Variants in FREM3 observed in about 807,000 individuals in gnomAD.
The protein encoded by FREM3 is FRAS1 related extracellular matrix 3.
In FREM3, 105 loss-of-function variants were observed where a neutral mutation model predicts 129.1. The ratio of observed to expected loss-of-function variants is 0.81; its 90% CI spans 0.69 to 0.96. The LOEUF is 0.96. FREM3 is among the 40% of genes least tolerant of loss of function. The pLI, the probability that FREM3 is intolerant of heterozygous loss-of-function variation, is 0.00. For missense variants in FREM3, 2,593 were observed against 2,666.3 expected (o/e 0.97, Z 0.61); for synonymous variants, 1,014 against 1,044.9 (o/e 0.97, Z 0.57).
At chr4:143,631,432 C>T (rs551052699) in intron 2 of FREM3, among the ~76,000 whole-genome samples, 1 of 152,278 alleles carries the variant, frequency 6.6e-6, no homozygotes, top group East Asian at 1.9e-4. Flanking sequence ...TAACCTCCAC[C>T]TCCCAGGTTC....
chr4:143,586,003 C>T lies in FREM3; in HGVS notation c.6029-10G>A. 1 of 1,532,372 alleles carries T rather than the reference C, an allele frequency of 6.5e-7. No individual in the cohort carries two copies. The highest frequency in any genetic ancestry group is 8.7e-7 in the Non-Finnish European group (1 of 1,145,510). 94.9% of individuals were successfully genotyped at this position (1,532,372 alleles called of 1,614,324 possible). A position where few individuals can be genotyped will look rare whatever the true frequency, so the allele number is the denominator to read the frequency against. ...AAGTGCAGGACAGGTTCTAAAGAGG[C>T]AAAAAAAGATACACTAAGAATGCTT... is the stretch of plus-strand genomic sequence containing the variant. On this transcript the variant is annotated splice_polypyrimidine_tract_variant and intron_variant, in intron 6 of 7. Coordinates refer to ENST00000329798, the MANE Select transcript of FREM3 (RefSeq NM_001168235.2).
intron 2 of FREM3, among the ~76,000 whole-genome samples, chr4:143,680,944 T>C (rs959524642): frequency 7.2e-5 from 11 of 152,046 alleles, no homozygotes; most frequent in African/African-American, 1.9e-4. Flanking sequence ...AAACAGAAAA[T>C]AGGAATTCAT....
chr4:143,603,706 A>G (rs2149837931), intron 6 of FREM3, among the ~76,000 whole-genome samples: 1 of 152,292 alleles, frequency 6.6e-6, no homozygotes, highest in East Asian at 1.9e-4. Flanking sequence ...CCAGAGAGGC[A>G]TTTAAAATGT....
At chr4:143,643,053 A>C (rs1349331602) in intron 2 of FREM3, among the ~76,000 whole-genome samples, 2 of 152,204 alleles carry the variant, frequency 1.3e-5, no homozygotes, top group Admixed American at 1.3e-4. Flanking sequence ...AATGCAAATC[A>C]AAATCACAAT....
In FREM3 at chr4:143,696,247, C is replaced by G; in HGVS notation, c.4429G>C (p.Asp1477His). The G allele has an allele frequency of 6.5e-7, 1 of 1,537,810 alleles. No homozygotes were observed. The highest frequency in any genetic ancestry group is 8.7e-7 in the Non-Finnish European group (1 of 1,147,046). ...GAGGCAATGGGTTCCCCAGCATAGT[C>G]AGAACTTTCTAAGTGACCCAGGCTT... ...APSLGHLESS[D>H]YAGEPIASFT... Residue 1477 changes from aspartate (D) to histidine (H), a missense_variant, in exon 1 of 8, where the codon GAC becomes CAC. This residue lies in a region of FREM3 where 2,276 missense variants were observed against 2,267.2 expected (regional missense o/e 1.00). Coordinates refer to ENST00000329798, the MANE Select transcript of FREM3 (RefSeq NM_001168235.2).
At position 143,699,500 on chromosome 4, in the gene FREM3, AG is replaced by A. The variant is rs1293959331; in HGVS notation, c.1175del (p.Pro392LeufsTer32). On this transcript the variant is annotated frameshift_variant, in exon 1 of 8. Transcript: ENST00000329798. LOFTEE classifies it high-confidence loss of function. The surrounding 1 kb of genome is among the most constrained non-coding windows in gnomAD (Gnocchi z 4.2). ...GGCGCTCCCCATGGGAGTTCTCTGCAGGGGGCTGATAGGCAATCTTCAGCTC... is the reference window on the plus strand; with the variant it reads ...GGCGCTCCCCATGGGAGTTCTCTGCAGGGGCTGATAGGCAATCTTCAGCTC... ...LRELKIAYQP[P>X]AENSHGERLF... The A allele has an allele frequency of 1.3e-6, 2 of 1,537,158 alleles. No individual in the cohort carries two copies. Among genetic ancestry groups the A allele is most frequent in the African/African-American group, 2.7e-5 (2 of 73,034 alleles).
rs555056281 is a variant in FREM3, at chr4:143,692,113, A to G, written c.5275+1000T>C. ...TAAATTAATTTTTTTTAAAAAGAAC[A>G]AGAATCAGGTGAAAGCACCTACTTT... On this transcript the variant is annotated intron_variant, in intron 2 of 7. Coordinates refer to ENST00000329798, the MANE Select transcript of FREM3 (RefSeq NM_001168235.2). Among the ~76,000 whole-genome samples, 110 of 152,286 alleles carry G rather than the reference A, an allele frequency of 7.2e-4. No homozygotes were observed. In the Middle Eastern group the frequency reaches 0.017, roughly 24 times the overall value.
At position 143,697,742 on chromosome 4, in the gene FREM3, A is replaced by G; in HGVS notation, c.2934T>C (p.Asp978=). 6.5e-7 allele frequency: 1 copy of G among 1,537,614 alleles called. No individual in the cohort carries two copies. The highest frequency in any genetic ancestry group is 8.7e-7 in the Non-Finnish European group (1 of 1,146,978). The part of the protein sequence containing the change: ...TMGVIHGKRK[D]VGDLMLSFIV... ...TGAAAGACAGCATCAAGTCACCTAC[A>G]TCCTTCCTTTTGCCATGGATGACAC... The change falls in exon 1 of 8, where the codon GAT becomes GAC. Residue 978 remains aspartate (D), a synonymous_variant. Transcript: ENST00000329798.
At chr4:143,642,644 A>G (rs1286327023) in intron 2 of FREM3, among the ~76,000 whole-genome samples, 1 of 152,236 alleles carries the variant, frequency 6.6e-6, no homozygotes, top group Non-Finnish European at 1.5e-5. Flanking sequence ...CTCAAAATGG[A>G]TTAAAGAATT....
chr4:143,596,164 G>A (rs1578827705), intron 6 of FREM3, among the ~76,000 whole-genome samples: 1 of 152,188 alleles, frequency 6.6e-6, no homozygotes, highest in African/African-American at 2.4e-5. Context: ...ATTTTAGGTA[G>A]ATGGGACTTG....
At chr4:143,586,616 G>A (rs969604992) in intron 6 of FREM3, among the ~76,000 whole-genome samples, 3 of 152,154 alleles carry the variant, frequency 2.0e-5, no homozygotes, top group Non-Finnish European at 4.4e-5. Context: ...ACAGACACCA[G>A]GCTTCAGCGG....
intron 7 of FREM3, among the ~76,000 whole-genome samples, chr4:143,583,050 T>G (rs1234130226): frequency 1.3e-5 from 2 of 151,870 alleles, no homozygotes; most frequent in Non-Finnish European, 2.9e-5. Context: ...CGGGCTAATT[T>G]TTTTGTATTT....
In FREM3 at chr4:143,663,807, C is replaced by G. The variant is rs191522181; in HGVS notation, c.5275+29306G>C. 5.7e-3 allele frequency among the ~76,000 whole-genome samples: 867 copies of G among 152,138 alleles called. 9 individuals are homozygous for G. Among genetic ancestry groups the G allele is most frequent in the Non-Finnish European group, 6.1e-3 (414 of 67,978 alleles). Reference sequence around the variant, plus strand: ...TTCTTTTCATTCTTTTTTCTCTAAACTTCCCTTCTCGCTTCATTTCATTCA... The same window carrying G: ...TTCTTTTCATTCTTTTTTCTCTAAAGTTCCCTTCTCGCTTCATTTCATTCA... On this transcript the variant is annotated intron_variant, in intron 2 of 7. Coordinates refer to ENST00000329798, the MANE Select transcript of FREM3 (RefSeq NM_001168235.2).
Position 143,699,993 on chromosome 4 carries a change from TCCA to T in FREM3, c.680_682del (p.Val227del), listed in dbSNP as rs1740664179. ...CCTGGGGAGAGGGGCCCCCACCGCG[TCCA>T]CCAAGCGCCCGTACTTGGGCAGGGG... is the stretch of plus-strand genomic sequence containing the variant. On this transcript the variant is annotated inframe_deletion, in exon 1 of 8. Coordinates refer to ENST00000329798, the MANE Select transcript of FREM3 (RefSeq NM_001168235.2). The surrounding 1 kb of genome is among the most constrained non-coding windows in gnomAD (Gnocchi z 4.2). 6.7e-7 allele frequency: 1 copy of T among 1,500,734 alleles called. No individual in the cohort carries two copies. The highest frequency in any genetic ancestry group is 1.4e-5 in the African/African-American group (1 of 72,086). The allele number at this position is 1,500,734 out of a possible 1,614,324, so 93.0% of individuals were successfully genotyped here. A position where few individuals can be genotyped will look rare whatever the true frequency, so the allele number is the denominator to read the frequency against.
intron 6 of FREM3, among the ~76,000 whole-genome samples, chr4:143,594,662 T>C (rs1309570033): frequency 2.0e-5 from 3 of 152,214 alleles, no homozygotes; most frequent in African/African-American, 7.2e-5. Context: ...GGATCAGTTG[T>C]ACTGTTGTTT....
intron 2 of FREM3, among the ~76,000 whole-genome samples, chr4:143,662,559 G>C (rs1354794850): frequency 6.7e-6 from 1 of 149,718 alleles, no homozygotes; most frequent in African/African-American, 2.4e-5. Flanking sequence ...TGTATATTCT[G>C]TTGATTTGGG....
chr4:143,655,275 G>A (rs1375763608), intron 2 of FREM3, among the ~76,000 whole-genome samples: 3 of 152,154 alleles, frequency 2.0e-5, no homozygotes, highest in African/African-American at 7.2e-5. Context: ...AAATTATGTA[G>A]AAAAATATCA....
At chr4:143,625,262 C>A (rs919336664) in intron 3 of FREM3, among the ~76,000 whole-genome samples, 1 of 152,176 alleles carries the variant, frequency 6.6e-6, no homozygotes, top group Non-Finnish European at 1.5e-5. Context: ...TGCCTCACCA[C>A]TTAAGTCCCA....
chr4:143,630,240 T>A (rs1044082709), intron 2 of FREM3, among the ~76,000 whole-genome samples: 1 of 152,138 alleles, frequency 6.6e-6, no homozygotes, highest in Non-Finnish European at 1.5e-5. Flanking sequence ...AGGTGCTCAA[T>A]AAATGTGGGT....
Sources: gnomAD v4.1 joint callset for allele counts (sites outside exome capture counted in the v4.1 genomes callset) on GRCh38, gnomAD v4.1.1 for gene constraint, gnomAD v4.1.1 regional missense constraint, Gnocchi (gnomAD v3.1) non-coding constraint, MANE v1.5 for transcripts, NCBI Gene and HGNC (gene_info 2026-07-23, HGNC 2026-07-21) for gene names.